The following LEPR variants were observed in gnomAD, a reference collection of about 807,000 sequenced individuals.
LEPR encodes OB receptor.
A neutral mutation model predicts 114.7 loss-of-function variants in LEPR; 56 were observed. That is an observed-to-expected ratio of 0.49 (90% confidence interval 0.39 to 0.61). LEPR has a LOEUF of 0.61. Among genes scored for constraint, LEPR ranks in the 20% least tolerant of loss-of-function variants. LEPR has a pLI of 0.00. For synonymous variants in LEPR, 443 were observed against 461.4 expected (o/e 0.96, Z 0.51); for missense variants, 1,202 against 1,352.9 (o/e 0.89, Z 1.75).
intron 2 of LEPR, among the ~76,000 whole-genome samples, chr1:65,521,929 G>A (rs1247760894): frequency 6.6e-6 from 1 of 152,012 alleles, no homozygotes; most frequent in Non-Finnish European, 1.5e-5. Flanking sequence ...GTGAAACCCC[G>A]TCTCTACTAA....
chr1:65,602,782 A>G (rs1449582711), intron 10 of LEPR, among the ~76,000 whole-genome samples: 2 of 152,122 alleles, frequency 1.3e-5, no homozygotes, highest in African/African-American at 4.8e-5. Context: ...TCTGAAGTCT[A>G]TTCCTAATGC....
intron 2 of LEPR, among the ~76,000 whole-genome samples, chr1:65,514,385 GT>G (rs1289365341): frequency 6.6e-6 from 1 of 152,216 alleles, no homozygotes; most frequent in Admixed American, 6.5e-5. Context: ...CATCTGAATG[GT>G]TCTAGTTCCC....
intron 2 of LEPR, among the ~76,000 whole-genome samples, chr1:65,496,323 A>G (rs1648153808): frequency 2.0e-5 from 3 of 152,186 alleles, no homozygotes; most frequent in Admixed American, 1.3e-4. Context: ...TTATAATCCC[A>G]GGACTTTGGG....
rs542501953 is a variant in LEPR at position 65,632,647 on chromosome 1, A to G, written c.2674-3544A>G. Reference sequence around the variant, plus strand: ...AATTGCTTTGTCAGAAAAAAGGGAGACACTTGGACCATATAATTTCTGAGA... The same window carrying G: ...AATTGCTTTGTCAGAAAAAAGGGAGGCACTTGGACCATATAATTTCTGAGA... On this transcript the variant is annotated intron_variant, in intron 19 of 19. Coordinates refer to ENST00000349533, the MANE Select transcript of LEPR (RefSeq NM_002303.6). Among the ~76,000 whole-genome samples, 10 of 152,214 alleles carry G rather than the reference A, an allele frequency of 6.6e-5. 1 individual carries two copies. In the South Asian group the frequency reaches 1.5e-3, roughly 22 times the overall value.
intron 2 of LEPR, among the ~76,000 whole-genome samples, chr1:65,538,735 A>G (rs1410757682): frequency 6.6e-6 from 1 of 151,086 alleles, no homozygotes; most frequent in African/African-American, 2.4e-5. Context: ...ATCTTTTCTT[A>G]TATTCTTTTT....
At chr1:65,479,515 A>G (rs566547699) in intron 2 of LEPR, among the ~76,000 whole-genome samples, 3 of 152,310 alleles carry the variant, frequency 2.0e-5, no homozygotes, top group African/African-American at 7.2e-5. Flanking sequence ...GCAATTTCCA[A>G]AGCGTATCTG....
chr1:65,572,712 C>T (rs888416746), intron 5 of LEPR, among the ~76,000 whole-genome samples: 5 of 152,170 alleles, frequency 3.3e-5, no homozygotes. Flanking sequence ...CTAGCTCACA[C>T]TGAGGTCCGA....
chr1:65,542,570 C>G (rs988796430), intron 2 of LEPR, among the ~76,000 whole-genome samples: 1 of 151,700 alleles, frequency 6.6e-6, no homozygotes, highest in Non-Finnish European at 1.5e-5. Flanking sequence ...CCCATCAACC[C>G]GTCACCTACA....
chr1:65,449,778 T>C lies in LEPR; in HGVS notation c.-21+24400T>C, dbSNP rs1195360589. 3.3e-5 allele frequency among the ~76,000 whole-genome samples: 5 copies of C among 152,176 alleles called. No homozygotes were observed. In the East Asian group the frequency reaches 9.6e-4, roughly 29 times the overall value. On this transcript the variant is annotated intron_variant, in intron 2 of 19. Transcript: ENST00000349533. ...CATTGATTTCTGCTTTCATTTTTAT[T>C]ATTTCTTATTCTTTCTTTAGAATTA...
chr1:65,568,155 A>T (rs1263229357), intron 3 of LEPR, among the ~76,000 whole-genome samples: 1 of 152,216 alleles, frequency 6.6e-6, no homozygotes, highest in Non-Finnish European at 1.5e-5. Context: ...TCATAATGTC[A>T]TATAGTTGGA....
At chr1:65,451,417 T>C (rs1267686612) in intron 2 of LEPR, among the ~76,000 whole-genome samples, 10 of 151,812 alleles carry the variant, frequency 6.6e-5, no homozygotes, top group East Asian at 1.9e-4. Context: ...TTAGGTCTAA[T>C]GTTTAAGTCT....
intron 2 of LEPR, among the ~76,000 whole-genome samples, chr1:65,463,427 C>T (rs1285380680): frequency 6.6e-6 from 1 of 152,082 alleles, no homozygotes; most frequent in Non-Finnish European, 1.5e-5. Flanking sequence ...TTAGTGTAGC[C>T]TTGTAGTATA....
chr1:65,544,703 T>TA (rs556197850), intron 2 of LEPR, among the ~76,000 whole-genome samples: 1 of 13,790 alleles, frequency 7.3e-5, no homozygotes, highest in Non-Finnish European at 1.9e-4. Context: ...AATCATGCGG[T>TA]TTTTTTTTGC....
intron 5 of LEPR, among the ~76,000 whole-genome samples, chr1:65,587,380 A>G (rs11208680): frequency 0.21 from 31,538 of 152,060 alleles, 3,534 homozygotes; most frequent in South Asian, 0.28. Flanking sequence ...TGCTTTGCTT[A>G]AAGATTTAGA....
At chr1:65,444,993 C>T (rs970452244) in intron 2 of LEPR, among the ~76,000 whole-genome samples, 1 of 152,138 alleles carries the variant, frequency 6.6e-6, no homozygotes, top group Non-Finnish European at 1.5e-5. Flanking sequence ...AGGGCAGCGA[C>T]TTTGTACTCT....
intron 2 of LEPR, among the ~76,000 whole-genome samples, chr1:65,517,612 C>T (rs1373693965): frequency 6.6e-6 from 1 of 152,118 alleles, no homozygotes; most frequent in African/African-American, 2.4e-5. Flanking sequence ...TCATTTACAC[C>T]TCAAATCTTT....
chr1:65,570,922 T>C (rs917594160), intron 4 of LEPR, 120 bp downstream of exon 4: 2 of 838,626 alleles, frequency 2.4e-6, no homozygotes, highest in Non-Finnish European at 3.3e-6. Flanking sequence ...ATATGGATAA[T>C]AAAATTAGGA....
chr1:65,454,956 A>G (rs1646846758), intron 2 of LEPR, among the ~76,000 whole-genome samples: 1 of 152,104 alleles, frequency 6.6e-6, no homozygotes, highest in African/African-American at 2.4e-5. Flanking sequence ...ACATAGTTCC[A>G]TATTTCTTGG....
At chr1:65,456,882 T>C (rs947767629) in intron 2 of LEPR, among the ~76,000 whole-genome samples, 2 of 152,200 alleles carry the variant, frequency 1.3e-5, no homozygotes, top group Admixed American at 6.5e-5. Context: ...TTTGACCCTG[T>C]TTTTGTCTTC....
Sources: gnomAD v4.1 joint callset for allele counts (sites outside exome capture counted in the v4.1 genomes callset) on GRCh38, gnomAD v4.1.1 for gene constraint, MANE v1.5 for transcripts, NCBI Gene and HGNC (gene_info 2026-07-23, HGNC 2026-07-21) for gene names.